Variants in LDAH observed in about 807,000 individuals in gnomAD.
The protein encoded by LDAH is lipid droplet associated hydrolase, also known as lipid droplet-associated hydrolase.
In LDAH, 26 loss-of-function variants were observed where a neutral mutation model predicts 29.6. The observed-to-expected ratio is 0.88, with a 90% CI of 0.64 to 1.22. LDAH has a LOEUF of 1.22. Among genes scored for constraint, LDAH ranks in the 50% most tolerant of loss-of-function variants. The probability of loss-of-function intolerance (pLI) is 0.00; values close to 1 mark genes in which losing one functional copy is unlikely to be tolerated. For missense variants in LDAH, 344 were observed against 387.3 expected (o/e 0.89, Z 0.94); for synonymous variants, 117 against 133.0 (o/e 0.88, Z 0.83).
chr2:20,816,618 G>A (rs1672867917), intron 1 of LDAH, among the ~76,000 whole-genome samples: 1 of 151,628 alleles, frequency 6.6e-6, no homozygotes, highest in African/African-American at 2.4e-5. Flanking sequence ...GAGCTCAAAG[G>A]AAAAACAGAG....
intron 3 of LDAH, among the ~76,000 whole-genome samples, chr2:20,780,941 C>G (rs1055091001): frequency 5.3e-5 from 8 of 152,130 alleles, no homozygotes; most frequent in African/African-American, 1.9e-4. Context: ...CAAGAGAAAG[C>G]TCCACTGGGT....
At chr2:20,809,235 C>A (rs907199305) in intron 1 of LDAH, among the ~76,000 whole-genome samples, 72 of 133,916 alleles carry the variant, frequency 5.4e-4, no homozygotes, top group African/African-American at 1.5e-3. Flanking sequence ...ACTAGAAATA[C>A]AAAAAAAAAA....
intron 4 of LDAH, among the ~76,000 whole-genome samples, chr2:20,752,141 T>G (rs1027448449): frequency 1.3e-5 from 2 of 152,060 alleles, no homozygotes; most frequent in Non-Finnish European, 2.9e-5. Flanking sequence ...ATTCTTCCAC[T>G]TTGGCTTCCC....
At chr2:20,703,357 T>TA (rs773947292) in intron 5 of LDAH, among the ~76,000 whole-genome samples, 5 of 152,306 alleles carry the variant, frequency 3.3e-5, no homozygotes, top group South Asian at 2.1e-4. Context: ...TCTAAACACT[T>TA]ACGATCATCT....
intron 6 of LDAH, among the ~76,000 whole-genome samples, chr2:20,694,909 C>T (rs796580659): frequency 7.9e-5 from 12 of 152,364 alleles, no homozygotes; most frequent in African/African-American, 2.9e-4. Context: ...GTCTCTTTCT[C>T]ACGTGAGACT....
chr2:20,786,810 C>T (rs1197411551), intron 3 of LDAH, among the ~76,000 whole-genome samples: 1 of 152,140 alleles, frequency 6.6e-6, no homozygotes, highest in Non-Finnish European at 1.5e-5. Flanking sequence ...GACATGAAGG[C>T]TAGGGGAAGA....
intron 4 of LDAH, among the ~76,000 whole-genome samples, chr2:20,748,052 A>G (rs1192033255): frequency 2.0e-5 from 3 of 152,214 alleles, no homozygotes; most frequent in Admixed American, 6.5e-5. Context: ...ATTGTTAGAT[A>G]TGGGCTAATC....
In LDAH at chr2:20,703,751, A is replaced by C. The variant is rs723800; in HGVS notation, c.704-2099T>G. Among the ~76,000 whole-genome samples, 981 of 152,208 alleles carry C rather than the reference A, an allele frequency of 6.4e-3. 65 individuals carry two copies. In the East Asian group the frequency reaches 0.13, roughly 19 times the overall value. The stretch of plus-strand genomic sequence containing the variant: ...TAACCTGGACCACTGTCGACTTAGA[A>C]TTTCCCTTCACTGCCTTCTTGGGTT... On this transcript the variant is annotated intron_variant, in intron 5 of 6. Coordinates refer to ENST00000237822, the MANE Select transcript of LDAH (RefSeq NM_021925.4).
chr2:20,694,880 G>T (rs1431398695), intron 6 of LDAH, among the ~76,000 whole-genome samples: 6 of 152,234 alleles, frequency 3.9e-5, no homozygotes, highest in African/African-American at 1.4e-4. Context: ...AAGCCACGAG[G>T]CCATCAAGTG....
chr2:20,740,271 C>T (rs945567787), intron 4 of LDAH, 66 bp from the exon 5 acceptor site: 12 of 1,048,296 alleles, frequency 1.1e-5, no homozygotes, highest in Middle Eastern at 2.1e-4. Flanking sequence ...CTTATTGTCT[C>T]TTCTATATAG....
At chr2:20,811,110 C>T (rs1297522155) in intron 1 of LDAH, among the ~76,000 whole-genome samples, 2 of 150,790 alleles carry the variant, frequency 1.3e-5, no homozygotes, top group African/African-American at 4.9e-5. Context: ...CTCCACCTCC[C>T]GGGTTCACGC....
chr2:20,737,828 G>A (rs1448045188), intron 5 of LDAH, among the ~76,000 whole-genome samples: 1 of 152,176 alleles, frequency 6.6e-6, no homozygotes, highest in East Asian at 1.9e-4. Context: ...AAGGCATTCC[G>A]AGCCTCTAGA....
chr2:20,756,542 AG>A (rs577343605), intron 4 of LDAH, among the ~76,000 whole-genome samples: 147 of 152,328 alleles, frequency 9.7e-4, no homozygotes, highest in African/African-American at 3.5e-3. Flanking sequence ...AAAAATAAAA[AG>A]GATATTACAA....
chr2:20,755,130 T>TGC (rs1491229811), intron 4 of LDAH, among the ~76,000 whole-genome samples: 6 of 5,918 alleles, frequency 1.0e-3, no homozygotes, highest in African/African-American at 2.3e-3. Flanking sequence ...TGTCTGTGTT[T>TGC]GTGTGTGTGT....
intron 4 of LDAH, among the ~76,000 whole-genome samples, chr2:20,750,752 C>A (rs1667913246): frequency 6.6e-6 from 1 of 152,186 alleles, no homozygotes; most frequent in African/African-American, 2.4e-5. Context: ...GGCATGGAAA[C>A]AACCCACATG....
intron 3 of LDAH, among the ~76,000 whole-genome samples, chr2:20,779,146 T>A (rs1221454242): frequency 6.6e-6 from 1 of 152,156 alleles, no homozygotes; most frequent in Admixed American, 6.6e-5. Flanking sequence ...CCCCCAGTCA[T>A]TACTCCAAAG....
chr2:20,692,996 T>C (rs1461549942), intron 6 of LDAH, among the ~76,000 whole-genome samples: 1 of 151,986 alleles, frequency 6.6e-6, no homozygotes, highest in Non-Finnish European at 1.5e-5. Context: ...GTGAGTACAG[T>C]GTTAAGACTG....
intron 5 of LDAH, among the ~76,000 whole-genome samples, chr2:20,713,231 T>A (rs1338884968): frequency 6.6e-6 from 1 of 152,200 alleles, no homozygotes; most frequent in Non-Finnish European, 1.5e-5. Context: ...TGGGGGCCAA[T>A]ATTCAACATT....
chr2:20,715,210 G>T (rs1025065038), intron 5 of LDAH, among the ~76,000 whole-genome samples: 1 of 152,174 alleles, frequency 6.6e-6, no homozygotes, highest in African/African-American at 2.4e-5. Flanking sequence ...TCCCTGGGAC[G>T]CAAGGCTGTT....
Sources: allele counts gnomAD v4.1 joint callset (sites outside exome capture counted in the v4.1 genomes callset), GRCh38; gene constraint gnomAD v4.1.1; transcripts MANE v1.5; gene names NCBI Gene and HGNC (gene_info 2026-07-23, HGNC 2026-07-21).